The following ARHGAP35 variants were observed in gnomAD, a reference collection of about 807,000 sequenced individuals.
The protein encoded by ARHGAP35 is rho GTPase-activating protein 35.
ARHGAP35 carries 15 observed loss-of-function variants against 111.1 expected under a neutral mutation model. The ratio of observed to expected loss-of-function variants is 0.13; its 90% CI spans 0.09 to 0.21. The LOEUF (loss-of-function observed/expected upper bound fraction) is 0.21. Among genes scored for constraint, ARHGAP35 ranks in the 10% least tolerant of loss-of-function variants. The pLI, the probability that ARHGAP35 is intolerant of heterozygous loss-of-function variation, is 1.00. For missense variants in ARHGAP35, 1,262 were observed against 1,873.0 expected (o/e 0.67, Z 6.02); for synonymous variants, 643 against 710.3 (o/e 0.91, Z 1.51).
intron 3 of ARHGAP35, among the ~76,000 whole-genome samples, chr19:46,970,159 C>A (rs1276244454): frequency 6.6e-6 from 1 of 152,176 alleles, no homozygotes; most frequent in Non-Finnish European, 1.5e-5. Context: ...GGGGCTTGAT[C>A]ACTTCAAGAT....
At chr19:46,967,002 A>G (rs1226622667) in intron 3 of ARHGAP35, among the ~76,000 whole-genome samples, 1 of 152,168 alleles carries the variant, frequency 6.6e-6, no homozygotes, top group Non-Finnish European at 1.5e-5. Context: ...AGTCAACTGA[A>G]TGAGAGTCAG....
At chr19:46,991,301 A>C (rs1165766933) in intron 5 of ARHGAP35, among the ~76,000 whole-genome samples, 12 of 152,192 alleles carry the variant, frequency 7.9e-5, no homozygotes, top group Admixed American at 7.9e-4. Context: ...GGAAGCCGGG[A>C]ATTCCTGTCT....
At chr19:46,987,495 G>A (rs372801003) in intron 3 of ARHGAP35, among the ~76,000 whole-genome samples, 6 of 152,130 alleles carry the variant, frequency 3.9e-5, no homozygotes, top group African/African-American at 9.7e-5. Flanking sequence ...GATTACAGGC[G>A]TGAGCCACCG....
chr19:46,970,583 T>A (rs1402986776), intron 3 of ARHGAP35, among the ~76,000 whole-genome samples: 1 of 152,104 alleles, frequency 6.6e-6, no homozygotes, highest in Admixed American at 6.6e-5. Context: ...CATCAGGAGA[T>A]CAGAGTGAGG....
At chr19:46,867,103 C>T (rs1278467037) in intron 1 of ARHGAP35, among the ~76,000 whole-genome samples, 5 of 152,200 alleles carry the variant, frequency 3.3e-5, no homozygotes, top group Non-Finnish European at 7.3e-5. Flanking sequence ...TTATTTGCTT[C>T]TCTGATACTG....
rs187467360 is a variant in ARHGAP35, at chr19:46,944,311, A to G, written c.3826+6903A>G. On this transcript the variant is annotated intron_variant, in intron 3 of 6. Transcript: ENST00000672722. The stretch of plus-strand genomic sequence containing the variant: ...AAGACCCTGTCTCAAAAAAAAAAAA[A>G]AAAAAGTAATATACTTGCTCACTGT... Among the ~76,000 whole-genome samples the G allele has an allele frequency of 7.9e-4, 120 of 152,196 alleles. 1 individual carries two copies. In the East Asian group the frequency reaches 0.014, roughly 17 times the overall value.
At chr19:46,930,010 A>C (rs1236151234) in intron 2 of ARHGAP35, among the ~76,000 whole-genome samples, 1 of 152,008 alleles carries the variant, frequency 6.6e-6, no homozygotes, top group Non-Finnish European at 1.5e-5. Context: ...CAGTCCTCCC[A>C]TCTGGGCTTC....
rs566780152 is a variant in ARHGAP35 at position 46,955,228 on chromosome 19, G to A, written c.3826+17820G>A. Among the ~76,000 whole-genome samples the A allele has an allele frequency of 1.7e-4, 26 of 152,302 alleles. 1 individual carries two copies. The South Asian group carries it at 2.3e-3, about 13-fold the overall frequency. On this transcript the variant is annotated intron_variant, in intron 3 of 6. Coordinates refer to ENST00000672722, the MANE Select transcript of ARHGAP35 (RefSeq NM_004491.5). The stretch of plus-strand genomic sequence containing the variant: ...CCGTCCATGTGATACAACTCCTAGC[G>A]GGGGAGGGATAGTGGGGCATTATAT...
chr19:46,890,063 T>C (rs2056016570), intron 1 of ARHGAP35, among the ~76,000 whole-genome samples: 1 of 152,174 alleles, frequency 6.6e-6, no homozygotes, highest in Non-Finnish European at 1.5e-5. Flanking sequence ...TTCATCAAAT[T>C]CTCAAAGGAA....
At chr19:46,872,486 GAA>G (rs1372427254) in intron 1 of ARHGAP35, among the ~76,000 whole-genome samples, 1 of 151,156 alleles carries the variant, frequency 6.6e-6, no homozygotes, top group Non-Finnish European at 1.5e-5. Flanking sequence ...ACATATGAAA[GAA>G]AAATTGAGCT....
At chr19:46,874,208 G>C (rs1053733662) in intron 1 of ARHGAP35, among the ~76,000 whole-genome samples, 1 of 152,114 alleles carries the variant, frequency 6.6e-6, no homozygotes, top group Non-Finnish European at 1.5e-5. Context: ...TATCTACAAG[G>C]TTTAGAGTGC....
At chr19:46,954,159 C>T (rs1454484481) in intron 3 of ARHGAP35, among the ~76,000 whole-genome samples, 1 of 152,184 alleles carries the variant, frequency 6.6e-6, no homozygotes, top group African/African-American at 2.4e-5. Context: ...GCCCCTCGAT[C>T]TTGGACTTCC....
chr19:46,916,354 T>C (rs2056163585), intron 1 of ARHGAP35, among the ~76,000 whole-genome samples: 1 of 140,296 alleles, frequency 7.1e-6, no homozygotes, highest in African/African-American at 2.8e-5. Flanking sequence ...CAGTGCTTTT[T>C]TTTGCGGAGG....
intron 3 of ARHGAP35, among the ~76,000 whole-genome samples, chr19:46,975,011 C>T (rs1274891777): frequency 6.6e-6 from 1 of 152,160 alleles, no homozygotes; most frequent in Non-Finnish European, 1.5e-5. Context: ...GCTAGGATTA[C>T]AGGCGCATGC....
chr19:46,870,015 C>T (rs557998898), intron 1 of ARHGAP35, among the ~76,000 whole-genome samples: 2 of 148,014 alleles, frequency 1.4e-5, no homozygotes, highest in Non-Finnish European at 3.0e-5. Context: ...GGCGCCATCT[C>T]GACTCACTGC....
At chr19:46,975,388 C>T (rs776411107) in intron 3 of ARHGAP35, among the ~76,000 whole-genome samples, 1 of 152,144 alleles carries the variant, frequency 6.6e-6, no homozygotes, top group Non-Finnish European at 1.5e-5. Flanking sequence ...CTGCCAGCCT[C>T]TACATCTGGA....
At chr19:46,990,627 CATT>C (rs900435060) in intron 5 of ARHGAP35, among the ~76,000 whole-genome samples, 2 of 152,230 alleles carry the variant, frequency 1.3e-5, no homozygotes, top group African/African-American at 2.4e-5. Flanking sequence ...AGGGGCAAGA[CATT>C]AGTCTCATCT....
In ARHGAP35 at chr19:46,918,773, T is replaced by C; in HGVS notation, c.98T>C (p.Ile33Thr). Residue 33 changes from isoleucine (I) to threonine (T), a missense_variant, in exon 2 of 7, where the codon ATT becomes ACT. Ile to Thr is a moderately conservative substitution (Grantham distance 89). Coordinates refer to ENST00000672722, the MANE Select transcript of ARHGAP35 (RefSeq NM_004491.5). The surrounding 1 kb of genome is among the most constrained non-coding windows in gnomAD (Gnocchi z 5.4). ...GAGAAGGAAAAGGGCCAGTGTGGGA[T>C]TGGAAAGTCTTGTTTGTGCAACCGC... The part of the protein sequence containing the change: ...GTEKEKGQCG[I>T]GKSCLCNRFV... 2.5e-6 allele frequency: 4 copies of C among 1,613,848 alleles called. No individual in the cohort carries two copies. The highest frequency in any genetic ancestry group is 3.4e-6 in the Non-Finnish European group (4 of 1,179,858).
At chr19:46,869,525 G>A (rs1363542965) in intron 1 of ARHGAP35, among the ~76,000 whole-genome samples, 1 of 151,758 alleles carries the variant, frequency 6.6e-6, no homozygotes, top group Non-Finnish European at 1.5e-5. Flanking sequence ...CATTGTGTGT[G>A]TGTATGTATA....
Sources: gnomAD v4.1 joint callset for allele counts (sites outside exome capture counted in the v4.1 genomes callset) on GRCh38, gnomAD v4.1.1 for gene constraint, Gnocchi (gnomAD v3.1) non-coding constraint, MANE v1.5 for transcripts, NCBI Gene and HGNC (gene_info 2026-07-23, HGNC 2026-07-21) for gene names.